The following PRUNE2 variants were observed in gnomAD, a reference collection of about 807,000 sequenced individuals.
The protein encoded by PRUNE2 is prune homolog 2 with BCH domain, also known as protein prune homolog 2.
PRUNE2 carries 164 observed loss-of-function variants against 252.0 expected under a neutral mutation model. The observed-to-expected ratio is 0.65, with a 90% confidence interval of 0.57 to 0.74. PRUNE2 has a LOEUF of 0.74. PRUNE2 is among the 30% of genes least tolerant of loss of function. The pLI, the probability that PRUNE2 is intolerant of heterozygous loss-of-function variation, is 0.00. For synonymous variants in PRUNE2, 1,292 were observed against 1,350.2 expected (o/e 0.96, Z 0.94); for missense variants, 3,495 against 3,711.0 (o/e 0.94, Z 1.51).
chr9:76,821,359 T>G (rs1014879158), intron 6 of PRUNE2, among the ~76,000 whole-genome samples: 1 of 152,186 alleles, frequency 6.6e-6, no homozygotes, highest in Non-Finnish European at 1.5e-5. Flanking sequence ...GTGAGGTTAA[T>G]GGGAATGAGA....
intron 6 of PRUNE2, among the ~76,000 whole-genome samples, chr9:76,782,447 G>A (rs2054516814): frequency 1.3e-5 from 2 of 152,166 alleles, no homozygotes; most frequent in South Asian, 2.1e-4. Flanking sequence ...CCTTGGGAAA[G>A]TTATTCTCTC....
chr9:76,882,834 C>T (rs2061869593), intron 1 of PRUNE2, among the ~76,000 whole-genome samples: 1 of 152,120 alleles, frequency 6.6e-6, no homozygotes, highest in Admixed American at 6.5e-5. Flanking sequence ...CCAGGTCACG[C>T]ATGGAGGTAA....
intron 4 of PRUNE2, among the ~76,000 whole-genome samples, chr9:76,833,541 G>A (rs1379392718): frequency 6.6e-6 from 1 of 152,054 alleles, no homozygotes; most frequent in Non-Finnish European, 1.5e-5. Context: ...TGAGGTGGGC[G>A]GATCACGAAG....
At chr9:76,863,807 G>A (rs1377913259) in intron 1 of PRUNE2, among the ~76,000 whole-genome samples, 1 of 152,146 alleles carries the variant, frequency 6.6e-6, no homozygotes, top group Non-Finnish European at 1.5e-5. Context: ...AAATGATAAT[G>A]CAACTTAAAA....
At chr9:76,631,930 T>A (rs993629015) in intron 15 of PRUNE2, among the ~76,000 whole-genome samples, 2 of 152,146 alleles carry the variant, frequency 1.3e-5, no homozygotes, top group Non-Finnish European at 2.9e-5. Context: ...AACTCACTTA[T>A]GATAATGACC....
chr9:76,671,216 A>T (rs1482361700), intron 9 of PRUNE2, among the ~76,000 whole-genome samples: 2 of 145,210 alleles, frequency 1.4e-5, no homozygotes. Flanking sequence ...AAAGGAGCTG[A>T]TGGAGCTGAA....
chr9:76,894,303 G>C (rs1170895757), intron 1 of PRUNE2, among the ~76,000 whole-genome samples: 1 of 152,186 alleles, frequency 6.6e-6, no homozygotes, highest in Non-Finnish European at 1.5e-5. Flanking sequence ...AGTTTGACCA[G>C]GAGGTGTCGC....
At chr9:76,854,277 T>C (rs1301041686) in intron 1 of PRUNE2, 69 bp from the exon 2 acceptor site, 1 of 824,526 alleles carries the variant, frequency 1.2e-6, no homozygotes, top group Non-Finnish European at 1.9e-6. Context: ...ATTTTTAATA[T>C]TTTAAAAAAG....
rs752322600 is a variant in PRUNE2 at position 76,705,198 on chromosome 9, T to C, written c.7076A>G (p.Gln2359Arg). 4.3e-6 allele frequency: 7 copies of C among 1,614,050 alleles called. No homozygotes were observed. Among genetic ancestry groups the C allele is most frequent in the Non-Finnish European group, 3.4e-6 (4 of 1,179,902 alleles). Residue 2359 changes from glutamine (Q) to arginine (R), a missense_variant, in exon 8 of 19, where the codon CAG (glutamine) becomes CGG (arginine). Physicochemically the swap from Gln to Arg is conservative, Grantham distance 43 (BLOSUM62 1). Coordinates refer to ENST00000376718, the MANE Select transcript of PRUNE2 (RefSeq NM_015225.3). ...TCTCAGTAAATCTTCATCGATATTC[T>C]GGCCCATTACATCATATTCAAAATC... ...WGDFEYDVMGQNIDEDLLREP... is the reference protein window; with the variant it reads ...WGDFEYDVMGRNIDEDLLREP...
At chr9:76,629,726 T>G (rs1836656676) in intron 15 of PRUNE2, among the ~76,000 whole-genome samples, 1 of 152,104 alleles carries the variant, frequency 6.6e-6, no homozygotes, top group African/African-American at 2.4e-5. Flanking sequence ...TTAACCGAAA[T>G]TTTGTGGTTT....
intron 1 of PRUNE2, among the ~76,000 whole-genome samples, chr9:76,863,979 G>A (rs531256661): frequency 4.6e-5 from 7 of 151,982 alleles, no homozygotes; most frequent in African/African-American, 1.7e-4. Context: ...CTACCACAAA[G>A]ACACATGCAC....
Position 76,707,797 on chromosome 9 carries a change from C to T in PRUNE2, c.4477G>A (p.Asp1493Asn), listed in dbSNP as rs2046416424. Residue 1493 changes from aspartate to asparagine, a missense_variant, in exon 8 of 19, where the codon GAC becomes AAC. Asp to Asn is a conservative substitution (Grantham distance 23). Coordinates refer to ENST00000376718, the MANE Select transcript of PRUNE2 (RefSeq NM_015225.3). ...HRVPRSLDFG[D>N]VPIDSDVHVS... Reference sequence around the variant, plus strand: ...TGCACATCACTGTCTATAGGGACGTCCCCAAAATCAAGACTTCGGGGAACT... The same window carrying T: ...TGCACATCACTGTCTATAGGGACGTTCCCAAAATCAAGACTTCGGGGAACT... The T allele has an allele frequency of 1.2e-6, 2 of 1,613,240 alleles. No homozygotes were observed. Among genetic ancestry groups the T allele is most frequent in the African/African-American group, 1.3e-5 (1 of 74,916 alleles).
chr9:76,757,306 GATTA>G (rs2051244343), intron 6 of PRUNE2, among the ~76,000 whole-genome samples: 1 of 152,208 alleles, frequency 6.6e-6, no homozygotes, highest in African/African-American at 2.4e-5. Flanking sequence ...TTACAAGCTA[GATTA>G]ATTAGTTAAT....
intron 4 of PRUNE2, among the ~76,000 whole-genome samples, chr9:76,840,163 A>G (rs2059302583): frequency 6.6e-6 from 1 of 151,970 alleles, no homozygotes; most frequent in Non-Finnish European, 1.5e-5. Context: ...TAGCAAAAAA[A>G]GAGAAAAAGG....
At chr9:76,681,261 A>G (rs964475260) in intron 9 of PRUNE2, among the ~76,000 whole-genome samples, 1 of 152,176 alleles carries the variant, frequency 6.6e-6, no homozygotes, top group Non-Finnish European at 1.5e-5. Flanking sequence ...AACAGAAAGT[A>G]GAATGGTGGT....
chr9:76,889,068 C>T (rs1404241396), intron 1 of PRUNE2, among the ~76,000 whole-genome samples: 4 of 151,984 alleles, frequency 2.6e-5, no homozygotes. Context: ...GTCTTGAACT[C>T]CTGAACTCCT....
intron 9 of PRUNE2, among the ~76,000 whole-genome samples, chr9:76,686,788 G>C (rs889242325): frequency 1.3e-5 from 2 of 152,168 alleles, no homozygotes; most frequent in African/African-American, 4.8e-5. Flanking sequence ...GGTAGAGATG[G>C]TGTCTCACTA....
At chr9:76,629,662 T>C (rs572560051) in intron 15 of PRUNE2, among the ~76,000 whole-genome samples, 1 of 152,102 alleles carries the variant, frequency 6.6e-6, no homozygotes, top group Admixed American at 6.6e-5. Context: ...TGCAATACAT[T>C]GTTATTAGCT....
intron 1 of PRUNE2, among the ~76,000 whole-genome samples, chr9:76,897,843 T>TATTCCACA (rs2062935507): frequency 6.6e-6 from 1 of 152,234 alleles, no homozygotes; most frequent in Admixed American, 6.5e-5. Flanking sequence ...CTAAGACAGA[T>TATTCCACA]ATTCCACAAA....
Sources: allele counts gnomAD v4.1 joint callset (sites outside exome capture counted in the v4.1 genomes callset), GRCh38; gene constraint gnomAD v4.1.1; transcripts MANE v1.5; gene names NCBI Gene and HGNC (gene_info 2026-07-23, HGNC 2026-07-21).